The following KCNIP4 variants were observed in gnomAD, a reference collection of about 807,000 sequenced individuals.
KCNIP4 encodes the protein potassium voltage-gated channel interacting protein 4.
Under a neutral mutation model 34.0 loss-of-function variants are expected in KCNIP4, and 12 were observed. The observed-to-expected ratio is 0.35, with a 90% CI of 0.23 to 0.57. KCNIP4 has a LOEUF of 0.57. Ranked by LOEUF, KCNIP4 falls within the 20% of genes least tolerant of loss-of-function variation. KCNIP4 has a pLI of 0.83. For synonymous variants in KCNIP4, 124 were observed against 102.2 expected (o/e 1.21, Z -1.29); for missense variants, 238 against 311.7 (o/e 0.76, Z 1.78).
chr4:21,118,001 A>G (rs1409647086), intron 1 of KCNIP4, among the ~76,000 whole-genome samples: 16 of 152,332 alleles, frequency 1.1e-4, no homozygotes, highest in Admixed American at 2.0e-4. Flanking sequence ...TAAAGTGACT[A>G]AGAAATTCAA....
intron 1 of KCNIP4, among the ~76,000 whole-genome samples, chr4:20,934,680 T>C (rs1335578682): frequency 2.6e-5 from 4 of 152,230 alleles, no homozygotes. Context: ...GCTTAAGTTC[T>C]AGTGAGGAGA....
chr4:21,418,021 C>G (rs889526621), intron 1 of KCNIP4, among the ~76,000 whole-genome samples: 3 of 152,142 alleles, frequency 2.0e-5, no homozygotes, highest in Non-Finnish European at 2.9e-5. Context: ...CATGCAGAAA[C>G]TCAAATAGTA....
intron 1 of KCNIP4, among the ~76,000 whole-genome samples, chr4:21,554,373 G>T (rs1185872592): frequency 6.6e-6 from 1 of 152,018 alleles, no homozygotes; most frequent in East Asian, 1.9e-4. Flanking sequence ...GGTTTGATGG[G>T]GAGCCAAGAC....
intron 1 of KCNIP4, among the ~76,000 whole-genome samples, chr4:21,793,464 G>C (rs1360646449): frequency 6.6e-6 from 1 of 151,988 alleles, no homozygotes; most frequent in Non-Finnish European, 1.5e-5. Context: ...CACCATGTTG[G>C]CCAGGCTGGT....
At chr4:20,999,424 T>G (rs1304447328) in intron 1 of KCNIP4, among the ~76,000 whole-genome samples, 1 of 38,078 alleles carries the variant, frequency 2.6e-5, no homozygotes, top group Admixed American at 3.1e-4. Flanking sequence ...GTTTTTTTTT[T>G]TTGTTTGTTT....
intron 1 of KCNIP4, among the ~76,000 whole-genome samples, chr4:21,541,058 C>G (rs887740194): frequency 4.6e-5 from 7 of 151,860 alleles, no homozygotes; most frequent in Admixed American, 6.6e-5. Flanking sequence ...GTAATCCCAG[C>G]TACTTGGGAG....
Position 21,568,656 on chromosome 4 carries a change from T to G in KCNIP4, c.61+379915A>C, listed in dbSNP as rs544529489. 2.0e-5 allele frequency among the ~76,000 whole-genome samples: 3 copies of G among 152,264 alleles called. No homozygotes were observed. The South Asian group carries it at 6.2e-4, about 32-fold the overall frequency. On this transcript the variant is annotated intron_variant, in intron 1 of 8. Transcript: ENST00000382152. Reference sequence around the variant, plus strand: ...AACATCAGACTCTAAGTTCTTCAGCTGTTGGACTCTTGGACTTACCCCAGT... The same window carrying G: ...AACATCAGACTCTAAGTTCTTCAGCGGTTGGACTCTTGGACTTACCCCAGT...
At chr4:21,453,087 A>C (rs767034615) in intron 1 of KCNIP4, among the ~76,000 whole-genome samples, 2 of 152,024 alleles carry the variant, frequency 1.3e-5, no homozygotes, top group Non-Finnish European at 2.9e-5. Context: ...GCTCAAAGAA[A>C]AGGTCCCCTT....
At chr4:21,824,198 T>C (rs1462848500) in intron 1 of KCNIP4, among the ~76,000 whole-genome samples, 1 of 152,136 alleles carries the variant, frequency 6.6e-6, no homozygotes, top group Non-Finnish European at 1.5e-5. Context: ...GCCAAAATAA[T>C]GTTGGGAGAA....
chr4:21,861,581 C>T (rs1389377761), intron 1 of KCNIP4, among the ~76,000 whole-genome samples: 4 of 142,824 alleles, frequency 2.8e-5, no homozygotes, highest in Non-Finnish European at 6.0e-5. Context: ...AGCCGGGACA[C>T]AGGAGGCGGA....
chr4:21,590,209 A>G (rs73252297), intron 1 of KCNIP4, among the ~76,000 whole-genome samples: 10,003 of 152,102 alleles, frequency 0.066, 479 homozygotes, highest in African/African-American at 0.13. Flanking sequence ...TGTCTCACTC[A>G]TTCTGGTTGG....
chr4:21,924,662 AT>A (rs1729132541), intron 1 of KCNIP4, among the ~76,000 whole-genome samples: 1 of 152,136 alleles, frequency 6.6e-6, no homozygotes, highest in African/African-American at 2.4e-5. Context: ...GTCTCCATCA[AT>A]TTTTTAAGGG....
At chr4:21,235,043 G>T (rs34830459) in intron 1 of KCNIP4, among the ~76,000 whole-genome samples, 8,710 of 152,094 alleles carry the variant, frequency 0.057, 306 homozygotes, top group East Asian at 0.14. Flanking sequence ...TACACATGTA[G>T]ATCAGGTCTT....
chr4:20,987,215 C>T (rs1374043277), intron 1 of KCNIP4, among the ~76,000 whole-genome samples: 1 of 152,142 alleles, frequency 6.6e-6, no homozygotes, highest in African/African-American at 2.4e-5. Flanking sequence ...CATAGTGAGA[C>T]TCTACCTCTA....
rs747961833 is a variant in KCNIP4 at position 21,323,144 on chromosome 4, G to GTATA, written c.62-440439_62-440436dup. On this transcript the variant is annotated intron_variant, in intron 1 of 8. Transcript: ENST00000382152. Reference sequence around the variant, plus strand: ...CTGAAAAATGGCATCTCTTTTGTAAGTATATATATATATATATATGTATAT... The same window carrying GTATA: ...CTGAAAAATGGCATCTCTTTTGTAAGTATATATATATATATATATATATGTATAT... 3.1e-3 allele frequency among the ~76,000 whole-genome samples: 241 copies of GTATA among 77,898 alleles called. 2 individuals are homozygous for GTATA. The highest frequency in any genetic ancestry group is 9.7e-3 in the African/African-American group (176 of 18,068). The allele number at this position is 77,898 out of a possible 152,430, so 51.1% of individuals were successfully genotyped here.
chr4:21,304,851 C>A (rs116706788), intron 1 of KCNIP4, among the ~76,000 whole-genome samples: 2,096 of 152,162 alleles, frequency 0.014, 41 homozygotes, highest in African/African-American at 0.048. Flanking sequence ...TTAGCAGCTA[C>A]CTCCTCTGCA....
intron 1 of KCNIP4, among the ~76,000 whole-genome samples, chr4:21,263,024 C>T (rs1005886012): frequency 2.6e-5 from 4 of 152,160 alleles, no homozygotes; most frequent in Non-Finnish European, 5.9e-5. Context: ...TTCATCCAGG[C>T]TGAATTCCTT....
intron 1 of KCNIP4, among the ~76,000 whole-genome samples, chr4:21,119,777 G>A (rs1749999182): frequency 6.6e-6 from 1 of 151,832 alleles, no homozygotes; most frequent in Non-Finnish European, 1.5e-5. Flanking sequence ...AAAGTAATTA[G>A]CAGGTTTAGT....
At position 21,629,745 on chromosome 4, in the gene KCNIP4, C is replaced by T. The variant is rs149937683; in HGVS notation, c.61+318826G>A. Among the ~76,000 whole-genome samples, 444 of 151,998 alleles carry T rather than the reference C, an allele frequency of 2.9e-3. 5 individuals carry two copies. The highest frequency in any genetic ancestry group is 6.9e-3 in the Middle Eastern group (2 of 290). The stretch of plus-strand genomic sequence containing the variant: ...CTAGAAACATCAAGAGAACAACATA[C>T]CTGTTTAGTTCGGCACAGTGTACGC... On this transcript the variant is annotated intron_variant, in intron 1 of 8. Transcript: ENST00000382152.
Sources: allele counts gnomAD v4.1 joint callset (sites outside exome capture counted in the v4.1 genomes callset), GRCh38; gene constraint gnomAD v4.1.1; transcripts MANE v1.5; gene names NCBI Gene and HGNC (gene_info 2026-07-23, HGNC 2026-07-21).